Variants in PTPRO observed in about 807,000 individuals in gnomAD.
The protein encoded by PTPRO is protein tyrosine phosphatase receptor type O.
In PTPRO, 62 loss-of-function variants were observed where a neutral mutation model predicts 145.2. The observed-to-expected ratio is 0.43, with a 90% CI of 0.35 to 0.53. The LOEUF is 0.53. Among genes scored for constraint, PTPRO ranks in the 20% least tolerant of loss-of-function variants. PTPRO has a pLI of 0.01. For missense variants in PTPRO, 1,345 were observed against 1,482.7 expected, an observed-to-expected ratio of 0.91 and a Z score of 1.53; for synonymous variants, 565 against 514.7, an observed-to-expected ratio of 1.10 and a Z score of -1.32.
chr12:15,432,065 T>TG (rs1302662368), intron 1 of PTPRO, among the ~76,000 whole-genome samples: 1 of 152,196 alleles, frequency 6.6e-6, no homozygotes, highest in Non-Finnish European at 1.5e-5. Context: ...ACTCATGTCA[T>TG]GGGGGTTTAT....
intron 12 of PTPRO, among the ~76,000 whole-genome samples, chr12:15,527,875 A>ACCCCCCCCCCACCCC (rs1555173370): frequency 5.3e-4 from 73 of 137,500 alleles, no homozygotes; most frequent in Admixed American, 9.0e-4. Context: ...GGGAACTGTG[A>ACCCCCCCCCCACCCC]CCCGCCCACG....
chr12:15,473,879 G>A (rs575912717), intron 1 of PTPRO, among the ~76,000 whole-genome samples: 1 of 150,622 alleles, frequency 6.6e-6, no homozygotes, highest in African/African-American at 2.4e-5. Context: ...GCATTTTTAC[G>A]AAAGACATTT....
At position 15,415,549 on chromosome 12, in the gene PTPRO, T is replaced by TGGAGACAATATAACATGGTGGCTA. The variant is rs1565616297; in HGVS notation, c.76-68425_76-68424insGGAGACAATATAACATGGTGGCTA. Among the ~76,000 whole-genome samples, 71 of 150,486 alleles carry TGGAGACAATATAACATGGTGGCTA rather than the reference T, an allele frequency of 4.7e-4. 1 individual carries two copies. Among genetic ancestry groups the TGGAGACAATATAACATGGTGGCTA allele is most frequent in the African/African-American group, 1.6e-3 (62 of 39,934 alleles). On this transcript the variant is annotated intron_variant, in intron 1 of 26. Transcript: ENST00000281171. ...ACAGGCACCTGCCACCACACCCGGC[T>TGGAGACAATATAACATGGTGGCTA]AATTTTTTGTATTTTTAGTAGAGAC...
intron 10 of PTPRO, among the ~76,000 whole-genome samples, chr12:15,524,283 G>C (rs1435008665): frequency 6.6e-6 from 1 of 150,570 alleles, no homozygotes; most frequent in African/African-American, 2.4e-5. Context: ...ATAATGTCTT[G>C]TTATTTTATG....
intron 1 of PTPRO, among the ~76,000 whole-genome samples, chr12:15,372,740 C>T (rs1938567125): frequency 6.6e-6 from 1 of 151,946 alleles, no homozygotes; most frequent in Non-Finnish European, 1.5e-5. Flanking sequence ...TCTCTATTGG[C>T]CTGTGAATTG....
At position 15,439,069 on chromosome 12, in the gene PTPRO, A is replaced by C. The variant is rs1038287175; in HGVS notation, c.76-44905A>C. ...ACAAAGAGAACCCCATCAGGCTAAT[A>C]GAGGACTTATCACCAGAAACCTTAC... On this transcript the variant is annotated intron_variant, in intron 1 of 26. Coordinates refer to ENST00000281171, the MANE Select transcript of PTPRO (RefSeq NM_030667.3). 2.6e-5 allele frequency among the ~76,000 whole-genome samples: 4 copies of C among 152,318 alleles called. No homozygotes were observed. The East Asian group carries it at 7.7e-4, about 29-fold the overall frequency.
rs187264009 is a variant in PTPRO at position 15,464,556 on chromosome 12, G to A, written c.76-19418G>A. On this transcript the variant is annotated intron_variant, in intron 1 of 26. Transcript: ENST00000281171. Reference sequence around the variant, plus strand: ...TTTTTTTGTATTTTTAATAGAGGGGGGTTTCACCATCTTGGCCAGGCAGGT... The same window carrying A: ...TTTTTTTGTATTTTTAATAGAGGGGAGTTTCACCATCTTGGCCAGGCAGGT... Among the ~76,000 whole-genome samples, 308 of 151,334 alleles carry A rather than the reference G, an allele frequency of 2.0e-3. 2 individuals carry two copies. The highest frequency in any genetic ancestry group is 7.3e-3 in the African/African-American group (302 of 41,232).
chr12:15,333,011 C>G (rs1049502284), intron 1 of PTPRO, among the ~76,000 whole-genome samples: 1 of 152,186 alleles, frequency 6.6e-6, no homozygotes, highest in Non-Finnish European at 1.5e-5. Context: ...TTACACCAGC[C>G]TGAGTTTTCT....
At chr12:15,528,145 AGC>A (rs1398506671) in intron 12 of PTPRO, among the ~76,000 whole-genome samples, 1 of 152,102 alleles carries the variant, frequency 6.6e-6, no homozygotes, top group Non-Finnish European at 1.5e-5. Flanking sequence ...GGGAGCTAAA[AGC>A]CTATCTGAAA....
intron 1 of PTPRO, among the ~76,000 whole-genome samples, chr12:15,334,731 T>C (rs1866707077): frequency 6.6e-6 from 1 of 152,138 alleles, no homozygotes; most frequent in Non-Finnish European, 1.5e-5. Flanking sequence ...TCAAATTATT[T>C]ACACTCTCAC....
chr12:15,531,197 G>T (rs544626493), intron 12 of PTPRO, among the ~76,000 whole-genome samples: 5 of 152,218 alleles, frequency 3.3e-5, no homozygotes, highest in Admixed American at 1.3e-4. Context: ...ATAATGAGCA[G>T]TGAGATGAAA....
chr12:15,438,653 A>G (rs1007272033), intron 1 of PTPRO, among the ~76,000 whole-genome samples: 1 of 152,092 alleles, frequency 6.6e-6, no homozygotes, highest in Non-Finnish European at 1.5e-5. Flanking sequence ...CAATATGGCA[A>G]AAATAAATAT....
chr12:15,468,917 A>T (rs1941477081), intron 1 of PTPRO, among the ~76,000 whole-genome samples: 1 of 152,206 alleles, frequency 6.6e-6, no homozygotes, highest in Non-Finnish European at 1.5e-5. Flanking sequence ...AGGGCTTATT[A>T]AACTATTTGC....
At chr12:15,413,007 G>A (rs1395037868) in intron 1 of PTPRO, among the ~76,000 whole-genome samples, 3 of 152,092 alleles carry the variant, frequency 2.0e-5, no homozygotes, top group Non-Finnish European at 4.4e-5. Flanking sequence ...TGGCCAGGCT[G>A]GTCTCGACCT....
At chr12:15,370,598 T>C in intron 1 of PTPRO, among the ~76,000 whole-genome samples, 1 of 152,288 alleles carries the variant, frequency 6.6e-6, no homozygotes, top group South Asian at 2.1e-4. Context: ...ACGATGGTAA[T>C]ATATGTATGA....
rs1048509222 is a variant in PTPRO, at chr12:15,478,677, T to G, written c.76-5297T>G. 2.0e-5 allele frequency among the ~76,000 whole-genome samples: 3 copies of G among 151,332 alleles called. No individual in the cohort carries two copies. In the East Asian group the frequency reaches 5.8e-4, roughly 29 times the overall value. ...TAGAGTAGCCTATTATTAAATTAAT[T>G]TTTTTTTTCTTTGAGACAGAGTCTC... On this transcript the variant is annotated intron_variant, in intron 1 of 26. Coordinates refer to ENST00000281171, the MANE Select transcript of PTPRO (RefSeq NM_030667.3).
intron 1 of PTPRO, among the ~76,000 whole-genome samples, chr12:15,392,720 CAA>C (rs1177789187): frequency 5.7e-4 from 38 of 66,676 alleles, no homozygotes; most frequent in South Asian, 1.5e-3. Context: ...GACCCTGTCT[CAA>C]AAAAAAAAAA....
At chr12:15,521,504 T>C (rs945786892) in intron 10 of PTPRO, among the ~76,000 whole-genome samples, 1 of 152,232 alleles carries the variant, frequency 6.6e-6, no homozygotes. Flanking sequence ...ACTATATTGA[T>C]GTAAACTTTC....
intron 12 of PTPRO, among the ~76,000 whole-genome samples, chr12:15,545,328 C>T (rs1943260284): frequency 6.6e-6 from 1 of 151,698 alleles, no homozygotes; most frequent in South Asian, 2.1e-4. Context: ...TTATGTGAAC[C>T]TAGCAGCAAG....
Sources: allele counts gnomAD v4.1 joint callset (sites outside exome capture counted in the v4.1 genomes callset), GRCh38; gene constraint gnomAD v4.1.1; transcripts MANE v1.5; gene names NCBI Gene and HGNC (gene_info 2026-07-23, HGNC 2026-07-21).